Variants in PRKCZ observed in about 807,000 individuals in gnomAD.
The protein encoded by PRKCZ is protein kinase C zeta, also known as protein kinase C zeta type.
Under a neutral mutation model 79.5 loss-of-function variants are expected in PRKCZ, and 33 were observed. The observed-to-expected ratio is 0.41, with a 90% confidence interval of 0.31 to 0.55. The LOEUF (loss-of-function observed/expected upper bound fraction) is 0.55, where lower values mean the gene tolerates loss of function less well. PRKCZ is among the 20% of genes least tolerant of loss of function. PRKCZ has a pLI of 0.19. For synonymous variants in PRKCZ, 342 were observed against 320.9 expected (o/e 1.07, Z -0.70); for missense variants, 578 against 813.5 (o/e 0.71, Z 3.52).
intron 4 of PRKCZ, among the ~76,000 whole-genome samples, chr1:2,107,667 T>C (rs1279918334): frequency 6.6e-6 from 1 of 152,020 alleles, no homozygotes; most frequent in African/African-American, 2.4e-5. Flanking sequence ...CTTTTAACAC[T>C]GACCTTGGGT....
chr1:2,184,795 T>C, intron 17 of PRKCZ, 97 bp downstream of exon 17: 1 of 1,398,658 alleles, frequency 7.1e-7, no homozygotes. Flanking sequence ...TGCCCTTGAG[T>C]CCCACCCGCC....
chr1:2,154,449 A>G (rs1680536803), intron 9 of PRKCZ, among the ~76,000 whole-genome samples: 1 of 152,176 alleles, frequency 6.6e-6, no homozygotes, highest in Non-Finnish European at 1.5e-5. Context: ...ACAGTCTCAG[A>G]GGCTAAATAG....
In PRKCZ at chr1:2,124,011, T is replaced by C. The variant is rs376058079; in HGVS notation, c.335-11251T>C. Among the ~76,000 whole-genome samples the C allele has an allele frequency of 4.8e-3, 19 of 3,970 alleles. 7 individuals carry two copies. The highest frequency in any genetic ancestry group is 0.029 in the South Asian group (2 of 68). 2.6% of individuals were successfully genotyped at this position (3,970 alleles called of 152,430 possible). ...AGGGTCGTGGTGGTTAGGGTCACGG[T>C]GGCGGTTAGGGTCACGGCGGCGGTT... On this transcript the variant is annotated intron_variant, in intron 4 of 17. Coordinates refer to ENST00000378567, the MANE Select transcript of PRKCZ (RefSeq NM_002744.6).
rs1159217517 is a variant in PRKCZ at position 2,075,900 on chromosome 1, A to G, written c.334+16309A>G. Reference sequence around the variant, plus strand: ...TGTGTAGCAGCGGGGGCTGCGTCTCATCTGCCACACGTTTCTGATCGCCGA... The same window carrying G: ...TGTGTAGCAGCGGGGGCTGCGTCTCGTCTGCCACACGTTTCTGATCGCCGA... On this transcript the variant is annotated intron_variant, in intron 4 of 17. Coordinates refer to ENST00000378567, the MANE Select transcript of PRKCZ (RefSeq NM_002744.6). This position sits in a 1 kb window ranked among gnomAD's most constrained non-coding sequence, Gnocchi z 4.8. Among the ~76,000 whole-genome samples the G allele has an allele frequency of 6.6e-6, 1 of 152,198 alleles. No individual in the cohort carries two copies. The highest frequency in any genetic ancestry group is 1.5e-5 in the Non-Finnish European group (1 of 68,026).
chr1:2,083,362 C>A (rs991321584), intron 4 of PRKCZ, among the ~76,000 whole-genome samples: 1 of 152,122 alleles, frequency 6.6e-6, no homozygotes. Context: ...TACTGTGGTC[C>A]TCAAAGAGCT....
chr1:2,051,291 G>T (rs1659623345), intron 1 of PRKCZ, among the ~76,000 whole-genome samples: 1 of 152,216 alleles, frequency 6.6e-6, no homozygotes, highest in African/African-American at 2.4e-5. Flanking sequence ...GCTGTGGGAG[G>T]GGGCGCGGTC....
At position 2,168,490 on chromosome 1, in the gene PRKCZ, C is replaced by A. The variant is rs912359611; in HGVS notation, c.975-1028C>A. On this transcript the variant is annotated intron_variant, in intron 10 of 17. Transcript: ENST00000378567. The surrounding 1 kb of genome is among the most constrained non-coding windows in gnomAD (Gnocchi z 4.7). ...CCAGCTCCTCACTTGGGGCCCAGGGCTCTTTCGATTTTTAGGAGTTTGTTT... is the reference window on the plus strand; with the variant it reads ...CCAGCTCCTCACTTGGGGCCCAGGGATCTTTCGATTTTTAGGAGTTTGTTT... Among the ~76,000 whole-genome samples the A allele has an allele frequency of 6.6e-6, 1 of 152,210 alleles. No homozygotes were observed. The highest frequency in any genetic ancestry group is 1.9e-4 in the East Asian group (1 of 5,194).
rs1286903807 is a variant in PRKCZ, at chr1:2,094,621, C to T, written c.334+35030C>T. Among the ~76,000 whole-genome samples, 10 of 108,524 alleles carry T rather than the reference C, an allele frequency of 9.2e-5. No homozygotes were observed. The highest frequency in any genetic ancestry group is 6.8e-4 in the Admixed American group (8 of 11,742). 71.2% of individuals were successfully genotyped at this position (108,524 alleles called of 152,430 possible). A position where few individuals can be genotyped will look rare whatever the true frequency, so the allele number is the denominator to read the frequency against. ...TGTGCCCGGCTCGATGAACCTTGGG[C>T]GCTGCCCGTTCTGAGGCGCCCGCTG... is the stretch of plus-strand genomic sequence containing the variant. On this transcript the variant is annotated intron_variant, in intron 4 of 17. Transcript: ENST00000378567. This position sits in a 1 kb window ranked among gnomAD's most constrained non-coding sequence, Gnocchi z 7.3.
At chr1:2,064,588 G>C (rs897233451) in intron 4 of PRKCZ, among the ~76,000 whole-genome samples, 5 of 152,172 alleles carry the variant, frequency 3.3e-5, no homozygotes, top group Non-Finnish European at 5.9e-5. Context: ...TGCATGTGGA[G>C]GTCCAGTTTT....
intron 4 of PRKCZ, among the ~76,000 whole-genome samples, chr1:2,109,775 A>G (rs904156735): frequency 2.0e-5 from 3 of 151,900 alleles, no homozygotes; most frequent in Admixed American, 6.6e-5. Flanking sequence ...GGTCCAGGCC[A>G]TGGGCCTGTG....
chr1:2,061,304 G>A (rs1383172040), intron 4 of PRKCZ, among the ~76,000 whole-genome samples: 1 of 152,072 alleles, frequency 6.6e-6, no homozygotes, highest in Non-Finnish European at 1.5e-5. Context: ...TGCTCTTTCT[G>A]TCTACGACCT....
At chr1:2,083,543 T>C (rs1289228280) in intron 4 of PRKCZ, among the ~76,000 whole-genome samples, 2 of 152,222 alleles carry the variant, frequency 1.3e-5, no homozygotes, top group Admixed American at 6.5e-5. Flanking sequence ...AAACAAAATA[T>C]TCGGCAAGAG....
chr1:2,113,398 G>C (rs949061991), intron 4 of PRKCZ, among the ~76,000 whole-genome samples: 5 of 152,234 alleles, frequency 3.3e-5, no homozygotes, highest in East Asian at 1.9e-4. Flanking sequence ...TGGGCTTTGA[G>C]GGGGGCTCAT....
intron 10 of PRKCZ, among the ~76,000 whole-genome samples, chr1:2,162,756 G>GT (rs1359940323): frequency 2.6e-5 from 4 of 152,120 alleles, no homozygotes; most frequent in Non-Finnish European, 5.9e-5. Flanking sequence ...CCACTTCCTT[G>GT]TTTAATTTTG....
rs147118205 is a variant in PRKCZ, at chr1:2,075,744, A to G, written c.334+16153A>G. Among the ~76,000 whole-genome samples, 473 of 152,322 alleles carry G rather than the reference A, an allele frequency of 3.1e-3. 23 individuals carry two copies. The East Asian group carries it at 0.078, about 25-fold the overall frequency. Reference sequence around the variant, plus strand: ...GTGTCCACAGGGTGCCTGAGAGCCCAGCCCATCCACACTGGGTGCCCCAGA... The same window carrying G: ...GTGTCCACAGGGTGCCTGAGAGCCCGGCCCATCCACACTGGGTGCCCCAGA... On this transcript the variant is annotated intron_variant, in intron 4 of 17. Transcript: ENST00000378567. The surrounding 1 kb of genome is among the most constrained non-coding windows in gnomAD (Gnocchi z 4.8).
In PRKCZ at chr1:2,168,440, C is replaced by T. The variant is rs1336752880; in HGVS notation, c.975-1078C>T. Reference sequence around the variant, plus strand: ...AAGGCACGGCTTATTCTTCAGGGTGCCCGACTGGCCACGTGGACGTCTCTC... The same window carrying T: ...AAGGCACGGCTTATTCTTCAGGGTGTCCGACTGGCCACGTGGACGTCTCTC... On this transcript the variant is annotated intron_variant, in intron 10 of 17. Coordinates refer to ENST00000378567, the MANE Select transcript of PRKCZ (RefSeq NM_002744.6). This position sits in a 1 kb window ranked among gnomAD's most constrained non-coding sequence, Gnocchi z 4.7. Among the ~76,000 whole-genome samples, 1 of 152,166 alleles carries T rather than the reference C, an allele frequency of 6.6e-6. No homozygotes were observed. Among genetic ancestry groups the T allele is most frequent in the Admixed American group, 6.5e-5 (1 of 15,278 alleles).
At chr1:2,114,176 C>G (rs886849711) in intron 4 of PRKCZ, among the ~76,000 whole-genome samples, 2 of 145,918 alleles carry the variant, frequency 1.4e-5, no homozygotes, top group African/African-American at 5.1e-5. Flanking sequence ...GACGCTCCGT[C>G]GTGGCCTGGG....
At chr1:2,164,394 G>A (rs1188820917) in intron 10 of PRKCZ, among the ~76,000 whole-genome samples, 1 of 152,166 alleles carries the variant, frequency 6.6e-6, no homozygotes, top group Non-Finnish European at 1.5e-5. Flanking sequence ...AGCTCCGTGG[G>A]GCCACACTGT....
At chr1:2,161,533 G>A (rs1383392512) in intron 10 of PRKCZ, among the ~76,000 whole-genome samples, 3 of 152,350 alleles carry the variant, frequency 2.0e-5, no homozygotes, top group Admixed American at 6.5e-5. Flanking sequence ...GGGCCCTGCT[G>A]TTTCCTGATG....
Sources: gnomAD v4.1 joint callset for allele counts (sites outside exome capture counted in the v4.1 genomes callset) on GRCh38, gnomAD v4.1.1 for gene constraint, Gnocchi (gnomAD v3.1) non-coding constraint, MANE v1.5 for transcripts, NCBI Gene and HGNC (gene_info 2026-07-23, HGNC 2026-07-21) for gene names.